CCDC192: variants seen among roughly 807,000 people sequenced by gnomAD.
CCDC192 encodes the protein coiled-coil domain-containing protein 192.
intron 5 of CCDC192, among the ~76,000 whole-genome samples, chr5:127,863,248 GA>G (rs978853801): frequency 2.0e-5 from 3 of 152,146 alleles, no homozygotes; most frequent in African/African-American, 7.2e-5. Flanking sequence ...CCAAGGGCTG[GA>G]AACAACCCAA....
intron 2 of CCDC192, among the ~76,000 whole-genome samples, chr5:127,723,109 T>A (rs898119255): frequency 2.6e-5 from 4 of 152,200 alleles, no homozygotes; most frequent in African/African-American, 9.6e-5. Context: ...GTTTCCTTTT[T>A]TTGGTATCCT....
chr5:127,785,938 A>G (rs1238736200), intron 3 of CCDC192: 2 of 477,866 alleles, frequency 4.2e-6, no homozygotes, highest in East Asian at 4.1e-5. Context: ...ATGAAGGTCA[A>G]GCACCTTCTG....
At chr5:127,786,706 C>T in intron 3 of CCDC192, 1 of 734,616 alleles carries the variant, frequency 1.4e-6, no homozygotes, top group East Asian at 2.5e-5. Flanking sequence ...AATTTCAGTA[C>T]ACTCTTGTCC....
At chr5:127,760,226 G>A (rs1002184741) in intron 3 of CCDC192, among the ~76,000 whole-genome samples, 2 of 150,270 alleles carry the variant, frequency 1.3e-5, no homozygotes, top group African/African-American at 4.9e-5. Context: ...CCACCTTAAA[G>A]AACTGAGGGT....
At chr5:127,736,765 C>G (rs1295341104) in intron 2 of CCDC192, among the ~76,000 whole-genome samples, 6 of 146,216 alleles carry the variant, frequency 4.1e-5, no homozygotes, top group Admixed American at 1.4e-4. Context: ...TCTGTGGGAT[C>G]GGTGGTGATA....
intron 2 of CCDC192, among the ~76,000 whole-genome samples, chr5:127,747,255 C>T (rs577107486): frequency 8.5e-5 from 13 of 152,086 alleles, no homozygotes; most frequent in South Asian, 2.1e-4. Context: ...ATCCCTCCCC[C>T]CTCTCCCCAC....
intron 5 of CCDC192, among the ~76,000 whole-genome samples, chr5:127,811,626 T>C (rs1758087942): frequency 6.6e-6 from 1 of 152,216 alleles, no homozygotes; most frequent in Admixed American, 6.5e-5. Flanking sequence ...ATCAAAGCTG[T>C]AAGCATTAGT....
intron 5 of CCDC192, among the ~76,000 whole-genome samples, chr5:127,864,632 T>G (rs1267263653): frequency 6.6e-6 from 1 of 152,230 alleles, no homozygotes; most frequent in East Asian, 1.9e-4. Context: ...TGTTTAGGCT[T>G]GTTAAAATAT....
At chr5:127,837,966 A>G (rs924159552) in intron 5 of CCDC192, among the ~76,000 whole-genome samples, 1 of 152,152 alleles carries the variant, frequency 6.6e-6, no homozygotes, top group Admixed American at 6.5e-5. Flanking sequence ...CCAGCACTCC[A>G]GCCTGGTGAT....
intron 6 of CCDC192, among the ~76,000 whole-genome samples, chr5:127,899,944 C>A (rs1217830590): frequency 6.6e-6 from 1 of 152,206 alleles, no homozygotes; most frequent in Non-Finnish European, 1.5e-5. Flanking sequence ...CTAATACCTT[C>A]AGATTCCCAA....
chr5:127,718,207 G>A (rs1030284624), intron 2 of CCDC192, among the ~76,000 whole-genome samples: 1 of 152,092 alleles, frequency 6.6e-6, no homozygotes, highest in African/African-American at 2.4e-5. Context: ...GAAAAAAAAG[G>A]TCCTGTCTTC....
chr5:127,784,591 ACAGT>A (rs1756428456), intron 3 of CCDC192: 6 of 548,782 alleles, frequency 1.1e-5, no homozygotes, highest in South Asian at 9.9e-5. Flanking sequence ...TGTGGGACAC[ACAGT>A]CAGACCCTTC....
intron 6 of CCDC192, chr5:127,935,286 T>C (rs1280023690): frequency 6.6e-6 from 1 of 152,216 alleles, no homozygotes; most frequent in Non-Finnish European, 1.5e-5. Context: ...AACAAGAAGA[T>C]GACTATGGAG....
chr5:127,767,449 G>C (rs764088503), intron 3 of CCDC192, among the ~76,000 whole-genome samples: 50 of 152,200 alleles, frequency 3.3e-4, no homozygotes, highest in Non-Finnish European at 6.5e-4. Context: ...TTTGTGGATT[G>C]AGAGCTGTCT....
Position 127,905,452 on chromosome 5 carries a change from AAG to A in CCDC192, c.535+29793_535+29794del, listed in dbSNP as rs575267555. On this transcript the variant is annotated intron_variant, in intron 6 of 6. Transcript: ENST00000514853. ...GATGAATTTTAATTTAGAAAACAAA[AAG>A]AAGTTTTGCATTTTATTAAAAAGTA... Among the ~76,000 whole-genome samples the A allele has an allele frequency of 3.1e-3, 478 of 152,340 alleles. 2 individuals carry two copies. The highest frequency in any genetic ancestry group is 0.011 in the African/African-American group (445 of 41,572).
At chr5:127,771,013 C>A (rs1375148113) in intron 3 of CCDC192, among the ~76,000 whole-genome samples, 5 of 152,074 alleles carry the variant, frequency 3.3e-5, no homozygotes, top group Admixed American at 2.0e-4. Flanking sequence ...CTTTTGAGCA[C>A]AATATCTAGG....
intron 5 of CCDC192, among the ~76,000 whole-genome samples, chr5:127,853,342 CAT>C (rs1361594442): frequency 3.9e-5 from 6 of 152,310 alleles, no homozygotes; most frequent in African/African-American, 1.4e-4. Flanking sequence ...TTCTCAAACA[CAT>C]ACCCCTTTCT....
chr5:127,777,192 G>A (rs915596555), intron 3 of CCDC192, among the ~76,000 whole-genome samples: 5 of 152,210 alleles, frequency 3.3e-5, no homozygotes, highest in Non-Finnish European at 5.9e-5. Context: ...AAGCCACAGC[G>A]GCAAAGCTAC....
chr5:127,922,747 TAAACAAAC>T (rs751556416), intron 6 of CCDC192, among the ~76,000 whole-genome samples: 2 of 152,144 alleles, frequency 1.3e-5, no homozygotes, highest in Non-Finnish European at 2.9e-5. Flanking sequence ...AACCCTGTCT[TAAACAAAC>T]AAACAAAGCA....
Sources: allele counts gnomAD v4.1 joint callset (sites outside exome capture counted in the v4.1 genomes callset), GRCh38; gene constraint gnomAD v4.1.1; transcripts MANE v1.5; gene names NCBI Gene and HGNC (gene_info 2026-07-23, HGNC 2026-07-21).